RSPH10B2: variants seen among roughly 807,000 people sequenced by gnomAD.
RSPH10B2 encodes the protein radial spoke head 10 homolog B2 (Chlamydomonas).
A neutral mutation model predicts 49.0 loss-of-function variants in RSPH10B2; 9 were observed. The ratio of observed to expected loss-of-function variants is 0.18; its 90% CI spans 0.11 to 0.32. The LOEUF (loss-of-function observed/expected upper bound fraction) is 0.32, where lower values mean the gene tolerates loss of function less well. Ranked by LOEUF, RSPH10B2 falls within the 10% of genes least tolerant of loss-of-function variation. The pLI is 1.00. For synonymous variants in RSPH10B2, 35 were observed against 210.2 expected (o/e 0.17, Z 7.21); for missense variants, 95 against 589.9 (o/e 0.16, Z 8.69).
chr7:6,776,818 A>G (rs1340960493), intron 10 of RSPH10B2, among the ~76,000 whole-genome samples: 1 of 97,636 alleles, frequency 1.0e-5, no homozygotes, highest in Non-Finnish European at 2.0e-5. Flanking sequence ...CGGAGGTTGC[A>G]GTGAGCCAAG....
intron 18 of RSPH10B2, among the ~76,000 whole-genome samples, chr7:6,797,564 T>C (rs1335298633): frequency 6.6e-6 from 1 of 152,242 alleles, no homozygotes; most frequent in African/African-American, 2.4e-5. Flanking sequence ...GGACCCTCCA[T>C]AAAGTCCCCA....
intron 10 of RSPH10B2, among the ~76,000 whole-genome samples, 191 bp downstream of exon 12, chr7:6,776,737 C>T (rs1477690477): frequency 3.3e-3 from 175 of 52,436 alleles, no homozygotes; most frequent in African/African-American, 0.013. Context: ...ATTAGCCAGG[C>T]GTGGTGGTGC....
intron 16 of RSPH10B2, among the ~76,000 whole-genome samples, chr7:6,791,648 G>A (rs1476690920): frequency 6.9e-6 from 1 of 145,916 alleles, no homozygotes; most frequent in Admixed American, 7.0e-5. Flanking sequence ...GGAAGCTGAG[G>A]CAGGAGAATT....
intron 17 of RSPH10B2, among the ~76,000 whole-genome samples, chr7:6,796,324 AAAAC>A (rs1224768954): frequency 1.5e-5 from 2 of 129,866 alleles, no homozygotes; most frequent in African/African-American, 5.4e-5. Context: ...CAAAAAAAAA[AAAAC>A]AAAAAAGAAA....
At chr7:6,795,731 A>G (rs1451151817) in intron 17 of RSPH10B2, among the ~76,000 whole-genome samples, 1 of 146,848 alleles carries the variant, frequency 6.8e-6, no homozygotes, top group African/African-American at 2.5e-5. Context: ...ACTGCACTCC[A>G]GCCTGGATGA....
chr7:6,782,253 A>G (rs531804192), intron 13 of RSPH10B2, among the ~76,000 whole-genome samples: 12 of 146,594 alleles, frequency 8.2e-5, no homozygotes, highest in African/African-American at 3.1e-4. Context: ...CAGCCATTTA[A>G]AGGAAGATAG....
chr7:6,781,653 A>G (rs142883469), intron 13 of RSPH10B2, 177 bp downstream of exon 15: 49,613 of 723,618 alleles, frequency 0.069, 10,248 homozygotes, highest in African/African-American at 0.16. Context: ...GTGGTCGTGG[A>G]AGGAACAGAA....
chr7:6,779,974 A>ATTTTTTTTTT (rs769877980), intron 11 of RSPH10B2, among the ~76,000 whole-genome samples: 6 of 110,072 alleles, frequency 5.5e-5, no homozygotes, highest in Admixed American at 9.6e-5. Context: ...TGCCTGGCTA[A>ATTTTTTTTTT]TTTTTTTTTT....
In RSPH10B2 at chr7:6,781,425, G is replaced by A. The variant is rs757756303; in HGVS notation, c.1707G>A (p.Ala569=). 1.4e-5 allele frequency: 18 copies of A among 1,294,800 alleles called. 6 individuals are homozygous for A. The East Asian group carries it at 2.3e-4, about 17-fold the overall frequency. The allele number at this position is 1,294,800 out of a possible 1,614,324, so 80.2% of individuals were successfully genotyped here. A position where few individuals can be genotyped will look rare whatever the true frequency, so the allele number is the denominator to read the frequency against. Residue 569 remains alanine, a synonymous_variant, in exon 13 of 19, where the codon GCG becomes GCA. Coordinates refer to ENST00000297186, the Ensembl canonical transcript of RSPH10B2. ...TCGCTTACTGCAGACCCAGTGCAGC[G>A]CCTCCCCACGAGCCTACGATGAAGA... is the stretch of plus-strand genomic sequence containing the variant.
chr7:6,793,091 G>T lies in RSPH10B2; in HGVS notation c.2233+1094G>T, dbSNP rs1375316603. On this transcript the variant is annotated intron_variant, in intron 17 of 18. Transcript: ENST00000297186. ...TTTTTTTTTTTTTTTTTTTTTTAAA[G>T]AGGTGGGTTCTTGCTCTGTTGCCCA... Among the ~76,000 whole-genome samples, 9 of 93,066 alleles carry T rather than the reference G, an allele frequency of 9.7e-5. 1 individual carries two copies. Among genetic ancestry groups the T allele is most frequent in the Non-Finnish European group, 1.4e-4 (7 of 50,384 alleles). 61.1% of individuals were successfully genotyped at this position (93,066 alleles called of 152,430 possible). A position where few individuals can be genotyped will look rare whatever the true frequency, so the allele number is the denominator to read the frequency against.
Position 6,797,866 on chromosome 7 carries a change from T to TACAC in RSPH10B2, c.2433-478_2433-475dup, listed in dbSNP as rs753716997. ...AGACCCTATCTCAAAAAAAAAAAAA[T>TACAC]ACACACACACACACACACACACGTA... On this transcript the variant is annotated intron_variant, in intron 18 of 18. Coordinates refer to ENST00000297186, the Ensembl canonical transcript of RSPH10B2. 2.7e-3 allele frequency among the ~76,000 whole-genome samples: 180 copies of TACAC among 65,716 alleles called. 43 individuals carry two copies. Among genetic ancestry groups the TACAC allele is most frequent in the African/African-American group, 0.01 (137 of 13,394 alleles). The allele number at this position is 65,716 out of a possible 152,430, so 43.1% of individuals were successfully genotyped here. A position where few individuals can be genotyped will look rare whatever the true frequency, so the allele number is the denominator to read the frequency against.
At position 6,780,395 on chromosome 7, in the gene RSPH10B2, T is replaced by G. The variant is rs534003668; in HGVS notation, c.1530-414T>G. 1.9e-3 allele frequency among the ~76,000 whole-genome samples: 226 copies of G among 119,980 alleles called. 46 individuals carry two copies. The highest frequency in any genetic ancestry group is 3.9e-3 in the Admixed American group (41 of 10,624). 78.7% of individuals were successfully genotyped at this position (119,980 alleles called of 152,430 possible). A position where few individuals can be genotyped will look rare whatever the true frequency, so the allele number is the denominator to read the frequency against. On this transcript the variant is annotated intron_variant, in intron 11 of 18. Coordinates refer to ENST00000297186, the Ensembl canonical transcript of RSPH10B2. ...AAAAAAACTTTTATTTACATATTTA[T>G]TTTTTTGAGATGGAATCTCGCTCTG...
intron 10 of RSPH10B2, among the ~76,000 whole-genome samples, chr7:6,777,064 G>GT (rs1435938452): frequency 1.2e-4 from 5 of 42,094 alleles, no homozygotes; most frequent in Non-Finnish European, 2.0e-4. Context: ...GTTTTGTTTT[G>GT]TTTTTTTTGA....
Position 6,797,996 on chromosome 7 carries a change from G to A in RSPH10B2, c.2433-367G>A, listed in dbSNP as rs576753027. ...CTACTAAAAATACAAAATATTAGCCGGGCGTGGTAGCGGAAGCCTATAATC... is the reference window on the plus strand; with the variant it reads ...CTACTAAAAATACAAAATATTAGCCAGGCGTGGTAGCGGAAGCCTATAATC... On this transcript the variant is annotated intron_variant, in intron 18 of 18. Coordinates refer to ENST00000297186, the Ensembl canonical transcript of RSPH10B2. Among the ~76,000 whole-genome samples, 23 of 84,568 alleles carry A rather than the reference G, an allele frequency of 2.7e-4. 1 individual carries two copies. The highest frequency in any genetic ancestry group is 3.7e-4 in the Non-Finnish European group (17 of 46,202). 55.5% of individuals were successfully genotyped at this position (84,568 alleles called of 152,430 possible).
Position 6,781,164 on chromosome 7 carries a change from G to A in RSPH10B2, c.1610-164G>A, listed in dbSNP as rs1317663069. On this transcript the variant is annotated intron_variant, in intron 12 of 18. Coordinates refer to ENST00000297186, the Ensembl canonical transcript of RSPH10B2. Reference sequence around the variant, plus strand: ...GAGGCAGGAGAATCGCTTGAGCCTGGGGGGCGGAGGTTGCAGCGAGCCAAG... The same window carrying A: ...GAGGCAGGAGAATCGCTTGAGCCTGAGGGGCGGAGGTTGCAGCGAGCCAAG... Among the ~76,000 whole-genome samples, 25 of 115,674 alleles carry A rather than the reference G, an allele frequency of 2.2e-4. 5 individuals carry two copies. The highest frequency in any genetic ancestry group is 8.1e-4 in the African/African-American group (24 of 29,732). The allele number at this position is 115,674 out of a possible 152,430, so 75.9% of individuals were successfully genotyped here.
chr7:6,767,219 C>T (rs1402741727), intron 6 of RSPH10B2, among the ~76,000 whole-genome samples: 24 of 14,680 alleles, frequency 1.6e-3, no homozygotes, highest in African/African-American at 5.4e-3. Flanking sequence ...AAGTGATCCG[C>T]GCGCCTCAGC....
chr7:6,758,136 T>C (rs1240396343), intron 1 of RSPH10B2, among the ~76,000 whole-genome samples: 1 of 148,562 alleles, frequency 6.7e-6, no homozygotes, highest in Non-Finnish European at 1.5e-5. Flanking sequence ...CCCGCCACCA[T>C]GCCTGGCTAA....
chr7:6,782,787 G>A (rs1193410785), intron 13 of RSPH10B2, among the ~76,000 whole-genome samples: 1 of 115,790 alleles, frequency 8.6e-6, no homozygotes, highest in African/African-American at 3.4e-5. Flanking sequence ...GGAGGCTGAG[G>A]CAGGAGAATT....
intron 13 of RSPH10B2, chr7:6,781,686 G>A (rs1781939068): frequency 5.6e-6 from 3 of 531,680 alleles, no homozygotes; most frequent in Non-Finnish European, 8.3e-6. Context: ...TGCCCAATAT[G>A]CTAACAGATT....
Sources: allele counts gnomAD v4.1 joint callset (sites outside exome capture counted in the v4.1 genomes callset), GRCh38; gene constraint gnomAD v4.1.1; transcripts MANE v1.5; gene names NCBI Gene and HGNC (gene_info 2026-07-23, HGNC 2026-07-21).